The following XPO1 variants were observed in gnomAD, a reference collection of about 807,000 sequenced individuals.
The protein encoded by XPO1 is exportin-1.
In XPO1, 5 loss-of-function variants were observed where a neutral mutation model predicts 133.3. The observed-to-expected ratio is 0.04, with a 90% confidence interval of 0.02 to 0.08. XPO1 has a LOEUF of 0.08. Ranked by LOEUF, XPO1 falls within the 10% of genes least tolerant of loss-of-function variation. The probability of loss-of-function intolerance (pLI) is 1.00; values close to 1 mark genes in which losing one functional copy is unlikely to be tolerated. For missense variants in XPO1, 506 were observed against 1,267.5 expected, an observed-to-expected ratio of 0.40 and a Z score of 9.12; for synonymous variants, 419 against 408.2, an observed-to-expected ratio of 1.03 and a Z score of -0.32.
intron 4 of XPO1, among the ~76,000 whole-genome samples, chr2:61,506,074 CT>C (rs1697797062): frequency 6.6e-6 from 1 of 152,108 alleles, no homozygotes. Context: ...CCCCAAATCC[CT>C]TCCTCAAGGC....
chr2:61,489,459 G>A (rs1696858280), intron 17 of XPO1, among the ~76,000 whole-genome samples: 1 of 150,948 alleles, frequency 6.6e-6, no homozygotes, highest in Non-Finnish European at 1.5e-5. Flanking sequence ...AAGCCATTAC[G>A]CTTCCCTTAC....
rs1371600276 is a variant in XPO1 at position 61,481,290 on chromosome 2, C to A, written c.2973-9G>T. On this transcript the variant is annotated splice_polypyrimidine_tract_variant and intron_variant, in intron 23 of 24. Transcript: ENST00000401558. ...AGAGCTTTACTTGAGCACTGCAAAT[C>A]AAAACACAATGATTAAATAATGATT... 2 of 1,592,148 alleles carry A rather than the reference C, an allele frequency of 1.3e-6. No homozygotes were observed. Among genetic ancestry groups the A allele is most frequent in the East Asian group, 2.2e-5 (1 of 44,566 alleles).
chr2:61,482,889 C>T lies in XPO1; in HGVS notation c.2812+68G>A. ...CTCCCCGCCTCGACCTCCCAAAGTG[C>T]TGGGATTATAGGCGTGAGGCCCTGT... On this transcript the variant is annotated intron_variant, in intron 22 of 24. Coordinates refer to ENST00000401558, the MANE Select transcript of XPO1 (RefSeq NM_003400.4). 4.4e-6 allele frequency: 7 copies of T among 1,585,056 alleles called. No individual in the cohort carries two copies. The East Asian group carries it at 1.3e-4, about 30-fold the overall frequency.
chr2:61,510,917 G>A (rs1698062887), intron 4 of XPO1, among the ~76,000 whole-genome samples: 1 of 142,922 alleles, frequency 7.0e-6, no homozygotes, highest in Non-Finnish European at 1.5e-5. Flanking sequence ...CAGCTTGGGC[G>A]ACAGCGTGAG....
chr2:61,500,252 G>C (rs1697437296), intron 6 of XPO1, among the ~76,000 whole-genome samples: 1 of 151,976 alleles, frequency 6.6e-6, no homozygotes, highest in African/African-American at 2.4e-5. Context: ...TGGGGAGCCA[G>C]GGTGGGCAGA....
At chr2:61,513,231 T>C (rs951177313) in intron 4 of XPO1, among the ~76,000 whole-genome samples, 4 of 152,102 alleles carry the variant, frequency 2.6e-5, no homozygotes, top group Non-Finnish European at 5.9e-5. Context: ...GCTAATTTGT[T>C]TGTATTGTTT....
intron 2 of XPO1, among the ~76,000 whole-genome samples, chr2:61,532,272 C>T (rs969155872): frequency 6.6e-6 from 1 of 151,936 alleles, no homozygotes; most frequent in Non-Finnish European, 1.5e-5. Flanking sequence ...GGACTACAGG[C>T]GCCCGCCACC....
At chr2:61,496,795 CGTTCTAAAATAACTCATTTG>C in intron 10 of XPO1, 64 bp downstream of exon 10, 1 of 1,296,026 alleles carries the variant, frequency 7.7e-7, no homozygotes, top group Admixed American at 3.6e-5. Flanking sequence ...TTTGATACGT[CGTTCTAAAATAACTCATTTG>C]GAATTTGGTA....
chr2:61,522,017 CG>C (rs1297012796), intron 4 of XPO1, among the ~76,000 whole-genome samples: 1 of 152,136 alleles, frequency 6.6e-6, no homozygotes, highest in African/African-American at 2.4e-5. Flanking sequence ...TTCAGCCTCA[CG>C]AAGTCCTGGG....
At chr2:61,515,127 G>A (rs991779860) in intron 4 of XPO1, among the ~76,000 whole-genome samples, 2 of 150,896 alleles carry the variant, frequency 1.3e-5, no homozygotes, top group Non-Finnish European at 2.9e-5. Flanking sequence ...CCAAGCAAGT[G>A]ACAACAAGCA....
chr2:61,497,846 A>G lies in XPO1; in HGVS notation c.759+827T>C, dbSNP rs532567437. Among the ~76,000 whole-genome samples, 8 of 152,344 alleles carry G rather than the reference A, an allele frequency of 5.3e-5. No homozygotes were observed. In the East Asian group the frequency reaches 5.8e-4, roughly 11 times the overall value. ...AAATTAATGTTTGGACAATTGCATAATATCTTATGTCTGAGAATGTTCTCT... is the reference window on the plus strand; with the variant it reads ...AAATTAATGTTTGGACAATTGCATAGTATCTTATGTCTGAGAATGTTCTCT... On this transcript the variant is annotated intron_variant, in intron 9 of 24. Coordinates refer to ENST00000401558, the MANE Select transcript of XPO1 (RefSeq NM_003400.4).
chr2:61,491,396 A>G (rs1238433816), intron 16 of XPO1, among the ~76,000 whole-genome samples: 8 of 151,418 alleles, frequency 5.3e-5, no homozygotes, highest in Non-Finnish European at 1.0e-4. Context: ...GGCTGCAGTG[A>G]GCCGAGATTG....
intron 1 of XPO1, chr2:61,536,340 C>T (rs1316129270): frequency 6.6e-6 from 1 of 152,212 alleles, no homozygotes; most frequent in East Asian, 1.9e-4. Flanking sequence ...TACAATCAGA[C>T]AGCAAACAAG....
chr2:61,484,078 T>A lies in XPO1; in HGVS notation c.2536A>T (p.Thr846Ser). The A allele has an allele frequency of 6.2e-7, 1 of 1,613,702 alleles. No homozygotes were observed. Among genetic ancestry groups the A allele is most frequent in the Non-Finnish European group, 8.5e-7 (1 of 1,179,768 alleles). The part of the protein sequence containing the change: ...KDFEEYPEHR[T>S]NFFLLLQAVN... ...GCCTGAAGTAGTAAGAAAAAGTTCG[T>A]TCTATGTTCAGGATATTCTTCAAAG... The change falls in exon 21 of 25, where the codon ACG becomes TCG. Residue 846 changes from threonine (T) to serine (S), a missense_variant. Physicochemically the swap from Thr to Ser is moderately conservative, Grantham distance 58. This residue lies in a region of XPO1 where 203 missense variants were observed against 365.9 expected (regional missense o/e 0.55). Transcript: ENST00000401558.
intron 2 of XPO1, among the ~76,000 whole-genome samples, chr2:61,529,760 C>G (rs1699073135): frequency 6.6e-6 from 1 of 151,994 alleles, no homozygotes; most frequent in Non-Finnish European, 1.5e-5. Flanking sequence ...AATACAATAC[C>G]ACATTCATGA....
In XPO1 at chr2:61,526,495, T is replaced by C. The variant is rs1698908494; in HGVS notation, c.153A>G (p.Thr51=). The C allele has an allele frequency of 3.8e-6, 6 of 1,595,292 alleles. No homozygotes were observed. Among genetic ancestry groups the C allele is most frequent in the Non-Finnish European group, 5.1e-6 (6 of 1,175,004 alleles). The change falls in exon 3 of 25, where the codon ACA becomes ACG. Residue 51 remains threonine (T), a synonymous_variant. Coordinates refer to ENST00000401558, the MANE Select transcript of XPO1 (RefSeq NM_003400.4). ...AQQRMAQEVL[T]HLKEHPDAWT... is the part of the protein sequence containing the mutation. ...AAGCATCAGGATGCTCCTTTAAATG[T>C]GTCAGTACTTCTTGAGCCATTCTTT...
At chr2:61,484,477 CT>C in intron 20 of XPO1, 1 of 176,376 alleles carries the variant, frequency 5.7e-6, no homozygotes, top group South Asian at 1.4e-4. Context: ...TCTTTTATCT[CT>C]TTTTTCTTTT....
intron 4 of XPO1, among the ~76,000 whole-genome samples, chr2:61,510,293 A>G (rs573447354): frequency 4.6e-5 from 7 of 152,180 alleles, no homozygotes; most frequent in Non-Finnish European, 1.0e-4. Flanking sequence ...CAAAACAAAA[A>G]AACACACAAA....
intron 11 of XPO1, 153 bp from the exon 12 acceptor site, chr2:61,494,244 G>C (rs963020998): frequency 1.7e-5 from 11 of 661,420 alleles, no homozygotes; most frequent in Non-Finnish European, 2.7e-5. Flanking sequence ...GCAAACTCTG[G>C]AGTAACTCTG....
Sources: gnomAD v4.1 joint callset for allele counts (sites outside exome capture counted in the v4.1 genomes callset) on GRCh38, gnomAD v4.1.1 for gene constraint, gnomAD v4.1.1 regional missense constraint, MANE v1.5 for transcripts, NCBI Gene and HGNC (gene_info 2026-07-23, HGNC 2026-07-21) for gene names.